Variants in GLIS3 observed in about 807,000 individuals in gnomAD.
GLIS3 encodes GLIS family zinc finger 3.
In GLIS3, 53 loss-of-function variants were observed where a neutral mutation model predicts 78.6. That is an observed-to-expected ratio of 0.67 (90% CI 0.54 to 0.85). The LOEUF is 0.85. Ranked by LOEUF, GLIS3 falls within the 40% of genes least tolerant of loss-of-function variation. The probability of loss-of-function intolerance (pLI) is 0.00; values close to 1 mark genes in which losing one functional copy is unlikely to be tolerated. For missense variants in GLIS3, 1,703 were observed against 1,231.1 expected, an observed-to-expected ratio of 1.38 and a Z score of -5.74; for synonymous variants, 684 against 509.9, an observed-to-expected ratio of 1.34 and a Z score of -4.60.
In GLIS3 at chr9:3,824,213, G is replaced by A. The variant is rs938526700; in HGVS notation, c.*4059C>T. On this transcript the variant is annotated 3_prime_UTR_variant, in exon 11 of 11. Coordinates refer to ENST00000381971, the MANE Select transcript of GLIS3 (RefSeq NM_001042413.2). Reference sequence around the variant, plus strand: ...CACTCCCAACATGTAAAGGACTCAGGGAGACATTCATTTTTACTGCCATTT... The same window carrying A: ...CACTCCCAACATGTAAAGGACTCAGAGAGACATTCATTTTTACTGCCATTT... 3.9e-5 allele frequency: 6 copies of A among 152,494 alleles called. No individual in the cohort carries two copies. Among genetic ancestry groups the A allele is most frequent in the African/African-American group, 9.7e-5 (4 of 41,394 alleles). 9.4% of individuals were successfully genotyped at this position (152,494 alleles called of 1,614,324 possible).
chr9:4,414,649 C>T, the GLIS3 span, among the ~76,000 whole-genome samples: 1 of 152,028 alleles, frequency 6.6e-6, no homozygotes, highest in African/African-American at 2.4e-5. Flanking sequence ...ATTGCTTGAC[C>T]AATCTGTAGT....
the GLIS3 span, among the ~76,000 whole-genome samples, chr9:4,385,499 A>G: frequency 5.3e-5 from 8 of 151,964 alleles, no homozygotes; most frequent in East Asian, 5.8e-4. Flanking sequence ...CCCTGTCTCT[A>G]CTAAAAAATA....
At chr9:4,246,850 A>C (rs1823851730) in intron 2 of GLIS3, among the ~76,000 whole-genome samples, 1 of 152,180 alleles carries the variant, frequency 6.6e-6, no homozygotes, top group African/African-American at 2.4e-5. Context: ...GTTTTTATGA[A>C]TATTATTTAA....
At chr9:4,179,421 T>A (rs1444117019) in intron 2 of GLIS3, among the ~76,000 whole-genome samples, 1 of 152,214 alleles carries the variant, frequency 6.6e-6, no homozygotes, top group South Asian at 2.1e-4. Context: ...TTCCCTTATG[T>A]AGGTAGCTAT....
At chr9:3,892,767 C>T (rs1329925967) in intron 7 of GLIS3, among the ~76,000 whole-genome samples, 1 of 152,010 alleles carries the variant, frequency 6.6e-6, no homozygotes, top group Non-Finnish European at 1.5e-5. Flanking sequence ...AAAGTCAGAA[C>T]TTTAGACTCA....
chr9:3,939,859 C>T (rs1394107910), intron 4 of GLIS3, among the ~76,000 whole-genome samples: 1 of 152,118 alleles, frequency 6.6e-6, no homozygotes, highest in Non-Finnish European at 1.5e-5. Context: ...AACCATGGAA[C>T]CCAAGACCAG....
chr9:3,898,698 G>C lies in GLIS3; in HGVS notation c.2121C>G (p.Leu707=), dbSNP rs1371258797. 2 of 1,614,016 alleles carry C rather than the reference G, an allele frequency of 1.2e-6. No homozygotes were observed. The highest frequency in any genetic ancestry group is 1.1e-5 in the South Asian group (1 of 91,078). Reference sequence around the variant, plus strand: ...TGCCTTTGCTGTCTTTACCTGAATAGAGGTCAGGCCCGGGTCCAGGGGAGC... The same window carrying C: ...TGCCTTTGCTGTCTTTACCTGAATACAGGTCAGGCCCGGGTCCAGGGGAGC... ...VGRSPGPGPD[L]YSAPIFSSNY... The change falls in exon 7 of 11, where the codon CTC becomes CTG. Residue 707 remains leucine (L), a synonymous_variant. Coordinates refer to ENST00000381971, the MANE Select transcript of GLIS3 (RefSeq NM_001042413.2).
upstream of GLIS3, among the ~76,000 whole-genome samples, chr9:4,350,141 G>A (rs1029032131): frequency 2.0e-5 from 3 of 152,212 alleles, no homozygotes; most frequent in Non-Finnish European, 4.4e-5. Context: ...TCACCGCAGA[G>A]GTCAGAGAAG....
chr9:3,854,043 G>A (rs1192937697), intron 9 of GLIS3, among the ~76,000 whole-genome samples: 11 of 152,162 alleles, frequency 7.2e-5, no homozygotes, highest in Non-Finnish European at 7.3e-5. Flanking sequence ...AAGAATTTGT[G>A]TCTTAGAATC....
At chr9:4,304,662 G>A (rs953504408), upstream of GLIS3, among the ~76,000 whole-genome samples, 3 of 152,168 alleles carry the variant, frequency 2.0e-5, no homozygotes, top group Non-Finnish European at 4.4e-5. Flanking sequence ...AGAAGGCAGC[G>A]CAGCACTGAT....
At chr9:4,427,465 A>T in the GLIS3 span, among the ~76,000 whole-genome samples, 2 of 152,182 alleles carry the variant, frequency 1.3e-5, no homozygotes, top group Non-Finnish European at 2.9e-5. Flanking sequence ...CAGGATGTAT[A>T]CACACTCTTA....
At chr9:4,352,267 A>C (rs1212900247), upstream of GLIS3, among the ~76,000 whole-genome samples, 1 of 152,240 alleles carries the variant, frequency 6.6e-6, no homozygotes, top group Non-Finnish European at 1.5e-5. Context: ...TGATTTTCTC[A>C]AAGTCATGCA....
At chr9:4,091,553 A>T (rs909255491) in intron 4 of GLIS3, among the ~76,000 whole-genome samples, 5 of 152,156 alleles carry the variant, frequency 3.3e-5, no homozygotes, top group African/African-American at 1.2e-4. Flanking sequence ...ACACAACCAC[A>T]TAAGTATGAA....
chr9:4,063,321 G>C (rs998126800), intron 4 of GLIS3, among the ~76,000 whole-genome samples: 1 of 152,118 alleles, frequency 6.6e-6, no homozygotes, highest in Non-Finnish European at 1.5e-5. Context: ...TTATGGGTAT[G>C]TAACAAACCA....
intron 9 of GLIS3, among the ~76,000 whole-genome samples, chr9:3,850,237 G>C (rs143205192): frequency 6.6e-6 from 1 of 152,196 alleles, no homozygotes; most frequent in Non-Finnish European, 1.5e-5. Context: ...TGATAGCAGG[G>C]CCCAGTGCAC....
rs564304800 is a variant in GLIS3 at position 4,056,254 on chromosome 9, C to T, written c.1710+61514G>A. Among the ~76,000 whole-genome samples the T allele has an allele frequency of 7.2e-5, 11 of 152,318 alleles. No homozygotes were observed. In the South Asian group the frequency reaches 2.3e-3, roughly 32 times the overall value. The stretch of plus-strand genomic sequence containing the variant: ...AGCTCACAGAGCCTACATTTAAGGA[C>T]CAACCTTGAAGACATGGGAATCAAA... On this transcript the variant is annotated intron_variant, in intron 4 of 10. Transcript: ENST00000381971.
chr9:4,410,847 A>C, the GLIS3 span, among the ~76,000 whole-genome samples: 37 of 152,200 alleles, frequency 2.4e-4, no homozygotes, highest in African/African-American at 8.7e-4. Context: ...TCTTTAGCTG[A>C]TCAAGTTCTC....
the GLIS3 span, among the ~76,000 whole-genome samples, chr9:4,472,165 T>C: frequency 6.6e-6 from 1 of 152,302 alleles, no homozygotes; most frequent in East Asian, 1.9e-4. Flanking sequence ...GGTGGGACTG[T>C]AAACTAGTTC....
chr9:4,429,991 C>T, the GLIS3 span, among the ~76,000 whole-genome samples: 1 of 151,970 alleles, frequency 6.6e-6, no homozygotes, highest in South Asian at 2.1e-4. Flanking sequence ...AGATGCCAAT[C>T]CAGGTTATCA....
Sources: allele counts gnomAD v4.1 joint callset (sites outside exome capture counted in the v4.1 genomes callset), GRCh38; gene constraint gnomAD v4.1.1; transcripts MANE v1.5; gene names NCBI Gene and HGNC (gene_info 2026-07-23, HGNC 2026-07-21).